The following GTPBP4 variants were observed in gnomAD, a reference collection of about 807,000 sequenced individuals.
GTPBP4 encodes the protein GTP-binding protein 4.
Under a neutral mutation model 81.7 loss-of-function variants are expected in GTPBP4, and 15 were observed. The observed-to-expected ratio is 0.18, with a 90% CI of 0.12 to 0.28. GTPBP4 has a LOEUF of 0.28. GTPBP4 is among the 10% of genes least tolerant of loss of function. GTPBP4 has a pLI of 1.00. For missense variants in GTPBP4, 847 were observed against 793.8 expected (o/e 1.07, Z -0.81); for synonymous variants, 272 against 274.6 (o/e 0.99, Z 0.09).
At chr10:1,009,969 T>C (rs1250546834) in intron 12 of GTPBP4, among the ~76,000 whole-genome samples, 3 of 150,942 alleles carry the variant, frequency 2.0e-5, no homozygotes, top group Non-Finnish European at 4.4e-5. Context: ...CCCTCCAGCC[T>C]GGACGACAGA....
chr10:1,013,499 A>G lies in GTPBP4; in HGVS notation c.1543-748A>G, dbSNP rs564920448. 2.6e-5 allele frequency among the ~76,000 whole-genome samples: 4 copies of G among 151,856 alleles called. No individual in the cohort carries two copies. In the South Asian group the frequency reaches 8.3e-4, roughly 32 times the overall value. ...GTGGCGGGCGCCTGTAGTCCCAGCT[A>G]CTCGGGAGGCTGGGGCAGGAAAATG... On this transcript the variant is annotated intron_variant, in intron 14 of 16. Transcript: ENST00000360803.
intron 5 of GTPBP4, among the ~76,000 whole-genome samples, chr10:998,093 C>G (rs1420847878): frequency 6.6e-6 from 1 of 151,994 alleles, no homozygotes; most frequent in Admixed American, 6.5e-5. Flanking sequence ...TTTTTTCTTT[C>G]TTTTTGTTGA....
chr10:993,453 G>A (rs2132155849), intron 2 of GTPBP4, among the ~76,000 whole-genome samples: 1 of 152,222 alleles, frequency 6.6e-6, no homozygotes, highest in South Asian at 2.1e-4. Context: ...CACCATGTTG[G>A]CCAGGCTGGT....
At chr10:992,304 G>A (rs544553878) in intron 1 of GTPBP4, among the ~76,000 whole-genome samples, 185 bp from the exon 2 acceptor site, 2 of 151,462 alleles carry the variant, frequency 1.3e-5, no homozygotes, top group East Asian at 2.0e-4. Flanking sequence ...GGAGGCTGAG[G>A]CAGGATAATG....
At position 1,009,510 on chromosome 10, in the gene GTPBP4, A is replaced by G. The variant is rs773962599; in HGVS notation, c.1192-19A>G. On this transcript the variant is annotated intron_variant, in intron 11 of 16. Transcript: ENST00000360803. ...GAAAGGCAAAATGAAGCTGATGATA[A>G]TTTCTCTTTCTATTGCAGGAACGAG... 3.8e-6 allele frequency: 6 copies of G among 1,575,650 alleles called. No homozygotes were observed. The East Asian group carries it at 1.1e-4, about 29-fold the overall frequency.
intron 1 of GTPBP4, 51 bp from the exon 2 acceptor site, chr10:992,438 T>G (rs1256592978): frequency 2.7e-6 from 3 of 1,103,552 alleles, no homozygotes; most frequent in Admixed American, 4.5e-5. Context: ...AATAAATGGC[T>G]CAAAAGTAGA....
At chr10:995,903 C>A (rs1831529444) in intron 2 of GTPBP4, 26 bp from the exon 3 acceptor site, 3 of 1,354,476 alleles carry the variant, frequency 2.2e-6, no homozygotes, top group Non-Finnish European at 3.2e-6. Flanking sequence ...CCCCAAGTGA[C>A]CGTGGTGTGC....
At chr10:1,012,244 C>T (rs1831890990) in intron 13 of GTPBP4, among the ~76,000 whole-genome samples, 1 of 152,176 alleles carries the variant, frequency 6.6e-6, no homozygotes, top group Non-Finnish European at 1.5e-5. Flanking sequence ...ACAGGGGTTA[C>T]TGACTTGCTG....
intron 1 of GTPBP4, among the ~76,000 whole-genome samples, chr10:991,187 C>A (rs1831435301): frequency 6.6e-6 from 1 of 152,192 alleles, no homozygotes; most frequent in Non-Finnish European, 1.5e-5. Flanking sequence ...TTGTGCCCAC[C>A]TGTTTACTTC....
intron 13 of GTPBP4, among the ~76,000 whole-genome samples, chr10:1,012,171 G>A (rs1267410983): frequency 6.6e-6 from 1 of 152,200 alleles, no homozygotes; most frequent in Non-Finnish European, 1.5e-5. Context: ...TGGAAGTGAA[G>A]GAGGCGGTCT....
rs745307990 is a variant in GTPBP4, at chr10:988,497, C to G, written c.18C>G (p.Phe6Leu). ...CTGCCGGCATGGCACATTACAACTTCAAGAAAATTACGGTGGTGCCGTCCG... is the reference window on the plus strand; with the variant it reads ...CTGCCGGCATGGCACATTACAACTTGAAGAAAATTACGGTGGTGCCGTCCG... MAHYN[F>L]KKITVVPSAK... The change falls in exon 1 of 17, where the codon TTC becomes TTG. Residue 6 changes from phenylalanine (F) to leucine (L), a missense_variant. This residue lies in a region of GTPBP4 where 241 missense variants were observed against 216.3 expected (regional missense o/e 1.11). Coordinates refer to ENST00000360803, the MANE Select transcript of GTPBP4 (RefSeq NM_012341.3). 5.0e-6 allele frequency: 8 copies of G among 1,613,224 alleles called. No individual in the cohort carries two copies. The highest frequency in any genetic ancestry group is 3.3e-5 in the South Asian group (3 of 91,060).
At chr10:1,010,301 C>T (rs1045791293) in intron 12 of GTPBP4, 119 bp from the exon 13 acceptor site, 20 of 644,896 alleles carry the variant, frequency 3.1e-5, no homozygotes, top group East Asian at 8.1e-5. Flanking sequence ...AATTGCACGT[C>T]GTGCTCTCTT....
chr10:997,333 C>G, intron 5 of GTPBP4, 25 bp downstream of exon 5: 1 of 1,205,848 alleles, frequency 8.3e-7, no homozygotes. Flanking sequence ...TATCGTAAAG[C>G]AAATCATCTG....
chr10:1,010,201 CTGT>C (rs1831827637), intron 12 of GTPBP4, among the ~76,000 whole-genome samples: 1 of 80,742 alleles, frequency 1.2e-5, no homozygotes, highest in South Asian at 5.0e-4. Context: ...GTGTTGTTTC[CTGT>C]TGTTTTGGGA....
intron 9 of GTPBP4, among the ~76,000 whole-genome samples, chr10:1,006,429 G>A (rs1414647044): frequency 5.9e-5 from 9 of 152,080 alleles, no homozygotes; most frequent in South Asian, 4.1e-4. Flanking sequence ...ACCCAAGGTC[G>A]GGAGTTCGAG....
At position 999,065 on chromosome 10, in the gene GTPBP4, G is replaced by A. The variant is rs1461509074; in HGVS notation, c.624G>A (p.Gly208=). 1 of 1,600,072 alleles carries A rather than the reference G, an allele frequency of 6.2e-7. No individual in the cohort carries two copies. The highest frequency in any genetic ancestry group is 1.7e-5 in the Admixed American group (1 of 59,982). The change falls in exon 6 of 17, where the codon GGG becomes GGA. Residue 208 remains glycine, a synonymous_variant. Transcript: ENST00000360803. The part of the protein sequence containing the change: ...YAFTTKSLFV[G]HMDYKYLRWQ... ...TCACAACCAAGTCTCTGTTTGTTGG[G>A]CACATGGATTATAAGTATCTACGTT...
chr10:1,005,028 G>C (rs1229827607), intron 8 of GTPBP4, among the ~76,000 whole-genome samples: 1 of 152,172 alleles, frequency 6.6e-6, no homozygotes, highest in Non-Finnish European at 1.5e-5. Flanking sequence ...GTGGTGGCAG[G>C]GCTGCTGCCA....
At chr10:1,011,536 G>A (rs1216342920) in intron 13 of GTPBP4, among the ~76,000 whole-genome samples, 5 of 151,562 alleles carry the variant, frequency 3.3e-5, no homozygotes, top group Non-Finnish European at 5.9e-5. Context: ...TCTCTCAGCT[G>A]AGCTCTCTGG....
At chr10:1,012,274 T>C (rs1589031573) in intron 13 of GTPBP4, 191 bp from the exon 14 acceptor site, 1 of 447,780 alleles carries the variant, frequency 2.2e-6, no homozygotes, top group Admixed American at 3.9e-5. Context: ...GTTCACGTGG[T>C]CTCCATTTTC....
Sources: allele counts gnomAD v4.1 joint callset (sites outside exome capture counted in the v4.1 genomes callset), GRCh38; gene constraint gnomAD v4.1.1; regional missense constraint gnomAD v4.1.1; transcripts MANE v1.5; gene names NCBI Gene and HGNC (gene_info 2026-07-23, HGNC 2026-07-21).